The following ING5 variants were observed in gnomAD, a reference collection of about 807,000 sequenced individuals.
ING5 encodes the protein inhibitor of growth protein 5.
A neutral mutation model predicts 37.4 loss-of-function variants in ING5; 17 were observed. The observed-to-expected ratio is 0.45, with a 90% CI of 0.31 to 0.68. The LOEUF (loss-of-function observed/expected upper bound fraction) is 0.68, where lower values mean the gene tolerates loss of function less well. Ranked by LOEUF, ING5 falls within the 30% of genes least tolerant of loss-of-function variation. ING5 has a pLI of 0.05. For missense variants in ING5, 233 were observed against 311.9 expected (o/e 0.75, Z 1.91); for synonymous variants, 123 against 116.6 (o/e 1.06, Z -0.36).
At chr2:241,687,597 T>G (rs1484800473) in exon 1 of ING5, 11 of 349,152 alleles carry the variant, frequency 3.2e-5, no homozygotes, top group Non-Finnish European at 5.6e-5. Flanking sequence ...GCGCGATCTC[T>G]GCTCACTGCA....
At chr2:241,713,585 A>G (rs1364790900) in intron 5 of ING5, among the ~76,000 whole-genome samples, 1 of 146,716 alleles carries the variant, frequency 6.8e-6, no homozygotes, top group Non-Finnish European at 1.5e-5. Context: ...GTTAGTCAGG[A>G]TAGTCTTGAT....
chr2:241,692,551 C>CT (rs2124850310), intron 2 of ING5, among the ~76,000 whole-genome samples: 1 of 152,024 alleles, frequency 6.6e-6, no homozygotes, highest in Admixed American at 6.6e-5. Context: ...GTCATCCTGC[C>CT]TCGGCCTCCT....
At chr2:241,695,667 C>CA (rs1456086688) in intron 2 of ING5, among the ~76,000 whole-genome samples, 5 of 152,048 alleles carry the variant, frequency 3.3e-5, no homozygotes, top group African/African-American at 1.2e-4. Flanking sequence ...GCCTGGGTGA[C>CA]AGAGCAAGAT....
chr2:241,697,583 GA>G (rs886696638), upstream of ING5, among the ~76,000 whole-genome samples: 1 of 152,128 alleles, frequency 6.6e-6, no homozygotes, highest in Non-Finnish European at 1.5e-5. Flanking sequence ...AAGCCATTCT[GA>G]AAAGGCTCAT....
chr2:241,722,727 G>A (rs1055237532), intron 5 of ING5: 18 of 985,230 alleles, frequency 1.8e-5, no homozygotes, highest in Admixed American at 6.1e-5. Flanking sequence ...CCCTGGAGTC[G>A]CATTCATTTC....
At chr2:241,721,485 A>C (rs2070434570) in intron 5 of ING5, 1 of 985,392 alleles carries the variant, frequency 1.0e-6, no homozygotes, top group East Asian at 1.1e-4. Context: ...GCTGAGCCCG[A>C]GTGTGTGTGT....
upstream of ING5, among the ~76,000 whole-genome samples, chr2:241,697,091 TAATA>T (rs959902583): frequency 2.7e-4 from 40 of 146,442 alleles, no homozygotes; most frequent in African/African-American, 9.1e-4. Context: ...TTCAAAATAA[TAATA>T]ATAATATAAT....
intron 2 of ING5, among the ~76,000 whole-genome samples, chr2:241,694,538 A>G (rs1350801805): frequency 6.6e-6 from 1 of 152,154 alleles, no homozygotes; most frequent in African/African-American, 2.4e-5. Flanking sequence ...TTCACTTAAA[A>G]TGAAATAAAT....
At chr2:241,722,741 A>G in intron 5 of ING5, 198 bp from the exon 6 acceptor site, 1 of 985,442 alleles carries the variant, frequency 1.0e-6, no homozygotes, top group Non-Finnish European at 1.2e-6. Context: ...TCATTTCTAA[A>G]GGACAATGGG....
At position 241,725,054 on chromosome 2, in the gene ING5, G is replaced by C. The variant is rs1403522668; in HGVS notation, c.*23G>C. ...TAGGAGGAGCTGTGTGCCCGGATCC[G>C]AGGAGCAAGTTAATCTGTCCCTTCA... On this transcript the variant is annotated 3_prime_UTR_variant, in exon 8 of 8. Transcript: ENST00000313552. The C allele has an allele frequency of 1.9e-6, 3 of 1,612,762 alleles. No homozygotes were observed. Among genetic ancestry groups the C allele is most frequent in the South Asian group, 2.2e-5 (2 of 91,058 alleles).
intron 1 of ING5, among the ~76,000 whole-genome samples, chr2:241,703,612 CTTTTTTTGA>C (rs2069811846): frequency 6.6e-6 from 1 of 151,858 alleles, no homozygotes; most frequent in Admixed American, 6.6e-5. Context: ...TTTTCTTTTT[CTTTTTTTGA>C]TTTTTTTTGA....
At chr2:241,722,659 C>T (rs1331685196) in intron 5 of ING5, 1 of 985,240 alleles carries the variant, frequency 1.0e-6, no homozygotes, top group East Asian at 1.1e-4. Flanking sequence ...AATGTGTGCT[C>T]CAGGAAGAAA....
At chr2:241,690,588 C>CCAGCACTG in exon 2 of ING5, 1 of 398,662 alleles carries the variant, frequency 2.5e-6, no homozygotes, top group Non-Finnish European at 4.4e-6. Flanking sequence ...GGCCTGATTT[C>CCAGCACTG]CAGCACTGTC....
chr2:241,691,542 C>CTT (rs143872071), intron 2 of ING5, among the ~76,000 whole-genome samples: 79,995 of 151,716 alleles, frequency 0.53, 21,318 homozygotes, highest in Admixed American at 0.61. Flanking sequence ...GGAATAAAGT[C>CTT]TCTCACCGTC....
At chr2:241,688,929 G>C (rs531217514) in intron 1 of ING5, among the ~76,000 whole-genome samples, 53 of 152,128 alleles carry the variant, frequency 3.5e-4, no homozygotes, top group African/African-American at 1.2e-3. Context: ...CTCCCCACTA[G>C]CTGGGACTAC....
intron 2 of ING5, among the ~76,000 whole-genome samples, chr2:241,692,397 G>T (rs999944435): frequency 6.6e-6 from 1 of 151,712 alleles, no homozygotes; most frequent in African/African-American, 2.4e-5. Context: ...CAGCCTTGAG[G>T]TTCTGGTCTC....
At chr2:241,722,331 C>T in intron 5 of ING5, 2 of 985,300 alleles carry the variant, frequency 2.0e-6, no homozygotes, top group Non-Finnish European at 2.4e-6. Flanking sequence ...TCCAGAGGTC[C>T]CCGGGGGAGT....
intron 3 of ING5, among the ~76,000 whole-genome samples, chr2:241,710,198 G>A (rs191057098): frequency 9.2e-5 from 14 of 151,746 alleles, no homozygotes; most frequent in Admixed American, 8.5e-4. Flanking sequence ...CCTGTGCCTC[G>A]CAGGTTCAAG....
chr2:241,717,549 T>A (rs1298898445), intron 5 of ING5, among the ~76,000 whole-genome samples: 5 of 152,206 alleles, frequency 3.3e-5, no homozygotes, highest in Non-Finnish European at 5.9e-5. Context: ...TCTCTGTTTT[T>A]GTTTCTCTGA....
Sources: allele counts gnomAD v4.1 joint callset (sites outside exome capture counted in the v4.1 genomes callset), GRCh38; gene constraint gnomAD v4.1.1; transcripts MANE v1.5; gene names NCBI Gene and HGNC (gene_info 2026-07-23, HGNC 2026-07-21).